The following CDKAL1 variants were observed in gnomAD, a reference collection of about 807,000 sequenced individuals.
CDKAL1 encodes the protein threonylcarbamoyladenosine tRNA methylthiotransferase.
In CDKAL1, 32 loss-of-function variants were observed where a neutral mutation model predicts 68.2. The ratio of observed to expected loss-of-function variants is 0.47; its 90% CI spans 0.35 to 0.63. CDKAL1 has a LOEUF of 0.63. Among genes scored for constraint, CDKAL1 ranks in the 30% least tolerant of loss-of-function variants. CDKAL1 has a pLI of 0.00. For synonymous variants in CDKAL1, 234 were observed against 244.3 expected (o/e 0.96, Z 0.39); for missense variants, 606 against 696.7 (o/e 0.87, Z 1.47).
At chr6:20,999,735 C>A (rs1043036771) in intron 10 of CDKAL1, among the ~76,000 whole-genome samples, 7 of 132,318 alleles carry the variant, frequency 5.3e-5, no homozygotes, top group African/African-American at 2.0e-4. Flanking sequence ...TTTTTTTGTA[C>A]AAATATGTCA....
intron 10 of CDKAL1, among the ~76,000 whole-genome samples, chr6:20,966,480 A>G (rs938647118): frequency 6.6e-6 from 1 of 152,220 alleles, no homozygotes; most frequent in African/African-American, 2.4e-5. Context: ...TTAATAAATC[A>G]CTTTTAGGAT....
intron 9 of CDKAL1, among the ~76,000 whole-genome samples, chr6:20,891,406 C>A (rs987646135): frequency 7.2e-5 from 11 of 152,170 alleles, no homozygotes; most frequent in Non-Finnish European, 8.8e-5. Flanking sequence ...TAATAACACT[C>A]CCCCTGGAGT....
intron 13 of CDKAL1, among the ~76,000 whole-genome samples, chr6:21,160,186 C>T (rs1306083364): frequency 7.9e-5 from 12 of 152,290 alleles, no homozygotes; most frequent in Non-Finnish European, 1.8e-4. Context: ...TGAAAGTTTC[C>T]GTGGAAGAAT....
At chr6:20,737,938 C>T (rs1355422515) in intron 5 of CDKAL1, among the ~76,000 whole-genome samples, 1 of 152,194 alleles carries the variant, frequency 6.6e-6, no homozygotes, top group African/African-American at 2.4e-5. Flanking sequence ...CTGTTCATCA[C>T]AAAGAGCCCA....
At chr6:21,027,626 C>G (rs1314216513) in intron 11 of CDKAL1, among the ~76,000 whole-genome samples, 1 of 152,194 alleles carries the variant, frequency 6.6e-6, no homozygotes, top group Non-Finnish European at 1.5e-5. Flanking sequence ...CTCCCTTTTC[C>G]TGTCTCAAGT....
At chr6:21,130,293 C>T (rs1036830398) in intron 13 of CDKAL1, among the ~76,000 whole-genome samples, 4 of 145,338 alleles carry the variant, frequency 2.8e-5, no homozygotes, top group African/African-American at 1.0e-4. Flanking sequence ...GGTGCGATCT[C>T]AGCTCACTGC....
chr6:20,597,869 T>G (rs926572717), intron 4 of CDKAL1, among the ~76,000 whole-genome samples: 2 of 152,240 alleles, frequency 1.3e-5, no homozygotes, highest in African/African-American at 4.8e-5. Flanking sequence ...AAGGAGGAAC[T>G]CTTGGGATTC....
At chr6:20,882,652 G>A (rs1428480567) in intron 9 of CDKAL1, among the ~76,000 whole-genome samples, 1 of 151,888 alleles carries the variant, frequency 6.6e-6, no homozygotes, top group African/African-American at 2.4e-5. Context: ...CTATTCCATT[G>A]TATGAATGTA....
At chr6:20,769,043 G>C (rs914419444) in intron 7 of CDKAL1, among the ~76,000 whole-genome samples, 4 of 152,026 alleles carry the variant, frequency 2.6e-5, no homozygotes, top group African/African-American at 9.7e-5. Context: ...TCCTGAGGTG[G>C]AAAAACAGCC....
intron 5 of CDKAL1, among the ~76,000 whole-genome samples, chr6:20,668,349 C>A: frequency 6.6e-6 from 1 of 152,034 alleles, no homozygotes. Context: ...GAGATGGAGT[C>A]TCTGTCTGTT....
At chr6:20,780,099 TAAA>T (rs745598145) in intron 7 of CDKAL1, among the ~76,000 whole-genome samples, 13 of 89,174 alleles carry the variant, frequency 1.5e-4, no homozygotes, top group African/African-American at 4.9e-4. Flanking sequence ...AACCTAACCT[TAAA>T]AAAAAAAAAA....
At chr6:21,004,806 A>G (rs1767634816) in intron 11 of CDKAL1, among the ~76,000 whole-genome samples, 1 of 151,942 alleles carries the variant, frequency 6.6e-6, no homozygotes, top group East Asian at 1.9e-4. Flanking sequence ...AAATAAAAAT[A>G]AAAAAACTAG....
At chr6:21,197,734 TCTTA>T (rs1431904730) in intron 13 of CDKAL1, among the ~76,000 whole-genome samples, 8 of 152,360 alleles carry the variant, frequency 5.3e-5, no homozygotes, top group Admixed American at 1.3e-4. Context: ...GCTTTAATTA[TCTTA>T]CTTATGTTGA....
At chr6:20,736,126 C>CT (rs70990062) in intron 5 of CDKAL1, among the ~76,000 whole-genome samples, 28,640 of 145,606 alleles carry the variant, frequency 0.2, 3,142 homozygotes, top group East Asian at 0.38. Context: ...ACAACTATTT[C>CT]TTTTTTTTTT....
chr6:20,874,210 T>C (rs1038604706), intron 9 of CDKAL1, among the ~76,000 whole-genome samples: 3 of 152,130 alleles, frequency 2.0e-5, no homozygotes, highest in African/African-American at 7.2e-5. Context: ...GATGATGAAA[T>C]TGTATGGAGG....
chr6:21,184,535 G>A (rs552627697), intron 13 of CDKAL1, among the ~76,000 whole-genome samples: 3 of 152,252 alleles, frequency 2.0e-5, no homozygotes, highest in Admixed American at 6.5e-5. Flanking sequence ...ACAGAGAAAG[G>A]CCTTTTAGAA....
intron 13 of CDKAL1, among the ~76,000 whole-genome samples, chr6:21,173,633 T>C (rs1777475875): frequency 6.6e-6 from 1 of 152,242 alleles, no homozygotes; most frequent in Non-Finnish European, 1.5e-5. Context: ...AGTGGGGCTA[T>C]AACTGAAAGT....
Position 20,991,239 on chromosome 6 carries a change from A to G in CDKAL1, c.910-8988A>G, listed in dbSNP as rs1766776532. Among the ~76,000 whole-genome samples, 5 of 152,234 alleles carry G rather than the reference A, an allele frequency of 3.3e-5. No individual in the cohort carries two copies. The South Asian group carries it at 1.0e-3, about 32-fold the overall frequency. On this transcript the variant is annotated intron_variant, in intron 10 of 15. Transcript: ENST00000274695. ...TTGCAGTAGTTAAATTCATGGAGACAGTAGAATTGTGGTTATGAGAGGCTT... is the reference window on the plus strand; with the variant it reads ...TTGCAGTAGTTAAATTCATGGAGACGGTAGAATTGTGGTTATGAGAGGCTT...
At chr6:20,739,646 A>C in intron 6 of CDKAL1, 31 bp downstream of exon 6, 1 of 1,300,366 alleles carries the variant, frequency 7.7e-7, no homozygotes, top group Non-Finnish European at 1.1e-6. Flanking sequence ...AAAAGAGAAA[A>C]TCTTACATTG....
Sources: allele counts gnomAD v4.1 joint callset (sites outside exome capture counted in the v4.1 genomes callset), GRCh38; gene constraint gnomAD v4.1.1; transcripts MANE v1.5; gene names NCBI Gene and HGNC (gene_info 2026-07-23, HGNC 2026-07-21).